Variants in PLEKHF2 observed in about 807,000 individuals in gnomAD.
The protein encoded by PLEKHF2 is pleckstrin homology domain-containing family F member 2.
In PLEKHF2, 4 loss-of-function variants were observed where a neutral mutation model predicts 14.7. That is an observed-to-expected ratio of 0.27 (90% confidence interval 0.13 to 0.62). PLEKHF2 has a LOEUF of 0.62. Ranked by LOEUF, PLEKHF2 falls within the 20% of genes least tolerant of loss-of-function variation. The pLI, the probability that PLEKHF2 is intolerant of heterozygous loss-of-function variation, is 0.85. For synonymous variants in PLEKHF2, 90 were observed against 103.5 expected (o/e 0.87, Z 0.79); for missense variants, 201 against 307.7 (o/e 0.65, Z 2.60).
intron 1 of PLEKHF2, among the ~76,000 whole-genome samples, chr8:95,151,874 AT>A (rs1165050462): frequency 2.6e-5 from 4 of 152,158 alleles, no homozygotes; most frequent in Admixed American, 2.0e-4. Flanking sequence ...TATAGTATAT[AT>A]TTTTTAACTT....
intron 1 of PLEKHF2, among the ~76,000 whole-genome samples, chr8:95,144,864 C>CAAAAAAAAA (rs1193239531): frequency 2.1e-5 from 1 of 48,016 alleles, no homozygotes. Flanking sequence ...AACTCTGTCT[C>CAAAAAAAAA]AAGAAAAAAA....
In PLEKHF2 at chr8:95,156,315, T is replaced by C. The variant is rs2132113012; in HGVS notation, c.*1521T>C. ...TTGTGATGGAGGATTCTTTGGTATC[T>C]TACTGTTTGGTTAAGGCACTAATTT... On this transcript the variant is annotated 3_prime_UTR_variant, in exon 2 of 2. Transcript: ENST00000315367. 2.4e-5 allele frequency: 4 copies of C among 167,126 alleles called. 1 individual carries two copies. The Middle Eastern group carries it at 0.014, about 565-fold the overall frequency. The allele number at this position is 167,126 out of a possible 1,614,324, so 10.4% of individuals were successfully genotyped here. A position where few individuals can be genotyped will look rare whatever the true frequency, so the allele number is the denominator to read the frequency against.
At chr8:95,152,243 A>G (rs895729868) in intron 1 of PLEKHF2, among the ~76,000 whole-genome samples, 4 of 152,050 alleles carry the variant, frequency 2.6e-5, no homozygotes, top group African/African-American at 7.2e-5. Flanking sequence ...AACTTTTTCA[A>G]TCAGTTCCTC....
chr8:95,142,816 A>G (rs1004115591), intron 1 of PLEKHF2, among the ~76,000 whole-genome samples: 7 of 152,354 alleles, frequency 4.6e-5, no homozygotes, highest in Middle Eastern at 3.4e-3. Context: ...TTTTAATTAC[A>G]TACTGTACTT....
chr8:95,155,005 A>T lies in PLEKHF2; in HGVS notation c.*211A>T, dbSNP rs1290445471. On this transcript the variant is annotated 3_prime_UTR_variant, in exon 2 of 2. Coordinates refer to ENST00000315367, the MANE Select transcript of PLEKHF2 (RefSeq NM_024613.4). ...TCTTCTACAGGGATAGGCTTTTGCAAATATATCAGATAAATTTTTTGTTTC... is the reference window on the plus strand; with the variant it reads ...TCTTCTACAGGGATAGGCTTTTGCATATATATCAGATAAATTTTTTGTTTC... The T allele has an allele frequency of 1.7e-5, 9 of 517,028 alleles. No individual in the cohort carries two copies. The allele number at this position is 517,028 out of a possible 1,614,324, so 32.0% of individuals were successfully genotyped here. A position where few individuals can be genotyped will look rare whatever the true frequency, so the allele number is the denominator to read the frequency against.
At chr8:95,141,617 C>G (rs957730623) in intron 1 of PLEKHF2, among the ~76,000 whole-genome samples, 1 of 151,920 alleles carries the variant, frequency 6.6e-6, no homozygotes, top group Admixed American at 6.6e-5. Flanking sequence ...CCTCTGCCTT[C>G]TGGTTTCAAG....
At chr8:95,135,536 G>A (rs72664622) in intron 1 of PLEKHF2, among the ~76,000 whole-genome samples, 6,645 of 152,208 alleles carry the variant, frequency 0.044, 196 homozygotes, top group Middle Eastern at 0.078. Context: ...GAGTAGTTAG[G>A]ACTACAGGAG....
intron 1 of PLEKHF2, among the ~76,000 whole-genome samples, chr8:95,142,792 T>C (rs1414429145): frequency 3.9e-5 from 6 of 152,234 alleles, no homozygotes; most frequent in African/African-American, 4.8e-5. Context: ...TCTGCCTTGC[T>C]CAATACTTAG....
At chr8:95,137,409 A>G (rs1202394500) in intron 1 of PLEKHF2, among the ~76,000 whole-genome samples, 1 of 152,254 alleles carries the variant, frequency 6.6e-6, no homozygotes. Flanking sequence ...CTGAAGAGCT[A>G]CTTAAAAAGA....
Position 95,154,383 on chromosome 8 carries a change from T to C in PLEKHF2, c.339T>C (p.Ala113=). Residue 113 remains alanine (A), a synonymous_variant, in exon 2 of 2, where the codon GCT becomes GCC. Transcript: ENST00000315367. This position sits in a 1 kb window ranked among gnomAD's most constrained non-coding sequence, Gnocchi z 5.6. The part of the protein sequence containing the change: ...KTPTKSFAVY[A]ATATEKSEWM... ...CAACTAAATCTTTTGCAGTTTATGC[T>C]GCCACTGCTACGGAGAAATCAGAAT... The C allele has an allele frequency of 1.2e-6, 2 of 1,614,118 alleles. No homozygotes were observed. Among genetic ancestry groups the C allele is most frequent in the East Asian group, 2.2e-5 (1 of 44,894 alleles).
At chr8:95,142,347 C>A (rs963739232) in intron 1 of PLEKHF2, among the ~76,000 whole-genome samples, 1 of 152,048 alleles carries the variant, frequency 6.6e-6, no homozygotes, top group Admixed American at 6.5e-5. Context: ...GTTGGCCCCC[C>A]AGGCTCAAGC....
chr8:95,154,822 T>A lies in PLEKHF2; in HGVS notation c.*28T>A. Reference sequence around the variant, plus strand: ...ACACATTTGGGAGTATTTAATCAGGTGTGGCTATCTGAGAAATCAACTTTG... The same window carrying A: ...ACACATTTGGGAGTATTTAATCAGGAGTGGCTATCTGAGAAATCAACTTTG... On this transcript the variant is annotated 3_prime_UTR_variant, in exon 2 of 2. Transcript: ENST00000315367. This position sits in a 1 kb window ranked among gnomAD's most constrained non-coding sequence, Gnocchi z 5.6. 6.3e-7 allele frequency: 1 copy of A among 1,597,404 alleles called. No individual in the cohort carries two copies. Among genetic ancestry groups the A allele is most frequent in the Non-Finnish European group, 8.6e-7 (1 of 1,168,446 alleles).
rs946435804 is a variant in PLEKHF2, at chr8:95,134,001, T to TCGC, written c.-30_-28dup. 8 of 148,158 alleles carry TCGC rather than the reference T, an allele frequency of 5.4e-5. No individual in the cohort carries two copies. Among genetic ancestry groups the TCGC allele is most frequent in the Non-Finnish European group, 8.9e-5 (6 of 67,112 alleles). 9.2% of individuals were successfully genotyped at this position (148,158 alleles called of 1,614,324 possible). The stretch of plus-strand genomic sequence containing the variant: ...GAGGATCGGACCTTCGCCTTCGCTG[T>TCGC]CGCCGCCGCCGCCGCCCGCGGCCGT... On this transcript the variant is annotated 5_prime_UTR_variant, in exon 1 of 2. Coordinates refer to ENST00000315367, the MANE Select transcript of PLEKHF2 (RefSeq NM_024613.4).
intron 1 of PLEKHF2, among the ~76,000 whole-genome samples, chr8:95,150,300 G>C (rs916780577): frequency 6.6e-6 from 1 of 152,016 alleles, no homozygotes; most frequent in African/African-American, 2.4e-5. Context: ...GGACCAAAAA[G>C]GATAATGGAA....
At chr8:95,138,086 A>C (rs1260399926) in intron 1 of PLEKHF2, among the ~76,000 whole-genome samples, 1 of 151,456 alleles carries the variant, frequency 6.6e-6, no homozygotes, top group African/African-American at 2.4e-5. Context: ...TCAGTTTTCT[A>C]CCTTTGTCCC....
At chr8:95,135,211 G>T (rs903221994) in intron 1 of PLEKHF2, among the ~76,000 whole-genome samples, 4 of 152,124 alleles carry the variant, frequency 2.6e-5, no homozygotes, top group African/African-American at 9.7e-5. Context: ...CTCAGTAAAT[G>T]AATCTAAATG....
chr8:95,152,927 T>C (rs573418139), intron 1 of PLEKHF2, among the ~76,000 whole-genome samples: 1 of 152,312 alleles, frequency 6.6e-6, no homozygotes, highest in East Asian at 1.9e-4. Context: ...ATAGTAGTAT[T>C]AGTTTAGTAG....
At chr8:95,134,389 C>T (rs1391740432) in intron 1 of PLEKHF2, 2 of 151,806 alleles carry the variant, frequency 1.3e-5, no homozygotes, top group Non-Finnish European at 2.9e-5. Context: ...GAAGGAGCCC[C>T]GAGGCCGGGC....
chr8:95,139,708 A>G (rs535136000), intron 1 of PLEKHF2, among the ~76,000 whole-genome samples: 28 of 152,164 alleles, frequency 1.8e-4, no homozygotes, highest in African/African-American at 6.7e-4. Context: ...TTTATGTGCC[A>G]CACCCCCTCC....
Sources: allele counts gnomAD v4.1 joint callset (sites outside exome capture counted in the v4.1 genomes callset), GRCh38; gene constraint gnomAD v4.1.1; non-coding constraint Gnocchi (gnomAD v3.1); transcripts MANE v1.5; gene names NCBI Gene and HGNC (gene_info 2026-07-23, HGNC 2026-07-21).